The following MYO15A variants were observed in gnomAD, a reference collection of about 807,000 sequenced individuals.
MYO15A encodes unconventional myosin-XV.
MYO15A carries 308 observed loss-of-function variants against 394.6 expected under a neutral mutation model. The observed-to-expected ratio is 0.78, with a 90% CI of 0.71 to 0.86. The LOEUF (loss-of-function observed/expected upper bound fraction) is 0.86. Among genes scored for constraint, MYO15A ranks in the 40% least tolerant of loss-of-function variants. The pLI is 0.00. For missense variants in MYO15A, 4,606 were observed against 4,799.1 expected, an observed-to-expected ratio of 0.96 and a Z score of 1.19; for synonymous variants, 1,957 against 2,003.8, an observed-to-expected ratio of 0.98 and a Z score of 0.62.
At position 18,119,127 on chromosome 17, in the gene MYO15A, C is replaced by G; in HGVS notation, c.327C>G (p.Ile109Met). ...GCAAGAAGCCGTCCTTCATGGTGAT[C>G]CGCTTCCCAGGCCGCCGTGGCTACG... ...MKGKKPSFMV[I>M]RFPGRRGYGR... The change falls in exon 2 of 66, where the codon ATC becomes ATG. Residue 109 changes from isoleucine (I) to methionine (M), a missense_variant. This residue lies in a region of MYO15A where 1,830 missense variants were observed against 1,689.7 expected (regional missense o/e 1.08). Coordinates refer to ENST00000647165, the MANE Select transcript of MYO15A (RefSeq NM_016239.4). 1 of 1,612,034 alleles carries G rather than the reference C, an allele frequency of 6.2e-7. No homozygotes were observed. Among genetic ancestry groups the G allele is most frequent in the Non-Finnish European group, 8.5e-7 (1 of 1,179,678 alleles).
At chr17:18,114,241 CTTTTTTTTTTTTT>C (rs10583154) in intron 1 of MYO15A, among the ~76,000 whole-genome samples, 1 of 55,562 alleles carries the variant, frequency 1.8e-5, no homozygotes, top group African/African-American at 7.0e-5. Flanking sequence ...ACAGTCCTGT[CTTTTTTTTTTTTT>C]TTTTTTTTTT....
chr17:18,127,832 AAGATAT>A (rs1555541551), intron 7 of MYO15A, among the ~76,000 whole-genome samples: 1 of 40,564 alleles, frequency 2.5e-5, no homozygotes, highest in Non-Finnish European at 5.6e-5. Flanking sequence ...AAGAAAAAAA[AAGATAT>A]ATATATATAT....
chr17:18,127,691 C>T (rs115463904), intron 7 of MYO15A, among the ~76,000 whole-genome samples: 2,711 of 152,046 alleles, frequency 0.018, 42 homozygotes, highest in Middle Eastern at 0.038. Flanking sequence ...GAACTGCATC[C>T]GTTCCCTCAG....
intron 25 of MYO15A, 54 bp downstream of exon 25, chr17:18,142,894 C>T: frequency 6.6e-7 from 1 of 1,511,652 alleles, no homozygotes; most frequent in Non-Finnish European, 9.0e-7. Flanking sequence ...GGGGAAAGGG[C>T]ACTTAGCACC....
chr17:18,139,457 G>T, intron 18 of MYO15A, 77 bp from the exon 19 acceptor site: 1 of 1,441,824 alleles, frequency 6.9e-7, no homozygotes, highest in East Asian at 2.4e-5. Context: ...CCATAGAAGT[G>T]AGGAGGATCC....
chr17:18,178,621 C>A, intron 65 of MYO15A, 148 bp from the exon 66 acceptor site: 1 of 792,408 alleles, frequency 1.3e-6, no homozygotes, highest in Non-Finnish European at 2.2e-6. Flanking sequence ...ATGCTCCTCT[C>A]AGGCCCTGGG....
chr17:18,167,447 G>A lies in MYO15A; in HGVS notation c.9949-143G>A, dbSNP rs854796. On this transcript the variant is annotated intron_variant, in intron 61 of 65. Coordinates refer to ENST00000647165, the MANE Select transcript of MYO15A (RefSeq NM_016239.4). Reference sequence around the variant, plus strand: ...TTATGTGCTTCTGCCATCATTCCCCGAAACCCAGGAAAGTAATAGGCCATC... The same window carrying A: ...TTATGTGCTTCTGCCATCATTCCCCAAAACCCAGGAAAGTAATAGGCCATC... 0.69 allele frequency: 936,864 copies of A among 1,356,592 alleles called. 326,055 individuals carry two copies. The highest frequency in any genetic ancestry group is 0.86 in the African/African-American group (60,460 of 69,966). The allele number at this position is 1,356,592 out of a possible 1,614,324, so 84.0% of individuals were successfully genotyped here. A position where few individuals can be genotyped will look rare whatever the true frequency, so the allele number is the denominator to read the frequency against.
chr17:18,143,799 G>A lies in MYO15A; in HGVS notation c.6046+3G>A. 6.3e-7 allele frequency: 1 copy of A among 1,580,320 alleles called. No individual in the cohort carries two copies. The highest frequency in any genetic ancestry group is 8.6e-7 in the Non-Finnish European group (1 of 1,163,482). On this transcript the variant is annotated splice_donor_region_variant and intron_variant, in intron 27 of 65. Coordinates refer to ENST00000647165, the MANE Select transcript of MYO15A (RefSeq NM_016239.4). The stretch of plus-strand genomic sequence containing the variant: ...TGGGCTCTTGCAAGCAGTGGCAGGT[G>A]GGTCAGCACCAGGCGGGGGGAGGGC...
In MYO15A at chr17:18,135,776, G is replaced by A; in HGVS notation, c.4548G>A (p.Leu1516=). ...AREIQAVAEL[L]QISPEGLQKA... is the part of the protein sequence containing the mutation. ...AGATCCAGGCCGTGGCAGAGCTGCT[G>A]CAGATCTCCCCTGAGGGCCTGCAGA... The change falls in exon 13 of 66, where the codon CTG becomes CTA. Residue 1516 remains leucine, a synonymous_variant. Transcript: ENST00000647165. The A allele has an allele frequency of 1.9e-6, 3 of 1,614,154 alleles. No homozygotes were observed. The highest frequency in any genetic ancestry group is 2.5e-6 in the Non-Finnish European group (3 of 1,180,014).
In MYO15A at chr17:18,141,745, A is replaced by C. The variant is rs761997973; in HGVS notation, c.5624A>C (p.Asn1875Thr). ...AGTCGCCTGTGCAAAGTCATGCCAA[A>C]CATGTACCGTGTTGGGGTCAGCAAG... Reference protein sequence around the residue: ...VLSRLCKVMPNMYRVGVSKLF... With the variant: ...VLSRLCKVMPTMYRVGVSKLF... Residue 1875 changes from asparagine to threonine, a missense_variant, in exon 23 of 66, where the codon AAC (asparagine) becomes ACC (threonine). This residue lies in a region of MYO15A where 2,776 missense variants were observed against 3,109.3 expected (regional missense o/e 0.89). Coordinates refer to ENST00000647165, the MANE Select transcript of MYO15A (RefSeq NM_016239.4). 1.2e-6 allele frequency: 2 copies of C among 1,614,084 alleles called. No homozygotes were observed. Among genetic ancestry groups the C allele is most frequent in the South Asian group, 2.2e-5 (2 of 91,086 alleles).
chr17:18,148,558 C>A lies in MYO15A; in HGVS notation c.6754C>A (p.Leu2252Met). Residue 2252 changes from leucine to methionine, a missense_variant, in exon 32 of 66, where the codon CTG becomes ATG. Physicochemically the swap from Leu to Met is conservative, Grantham distance 15. Transcript: ENST00000647165. The surrounding 1 kb of genome is among the most constrained non-coding windows in gnomAD (Gnocchi z 4.8). ...STGEEVAGDI[L>M]RHRGLADGWR... ...GGGGGAAGAGGTGGCTGGAGACATT[C>A]TGAGGCACAGGTTGGCTCCTAGGAT... 6.4e-7 allele frequency: 1 copy of A among 1,552,102 alleles called. No individual in the cohort carries two copies. The highest frequency in any genetic ancestry group is 1.2e-5 in the South Asian group (1 of 84,086).
rs200694470 is a variant in MYO15A, at chr17:18,163,791, G to A, written c.9740G>A (p.Arg3247His). ...EEICAEMALT[R>H]PEAFNEYVIF... ...ATATGTGCTGAGATGGCTCTGACAC[G>A]CCCTGAGGCCTTCAATGAATATGTT... The change falls in exon 60 of 66, where the codon CGC (arginine) becomes CAC (histidine). Residue 3247 changes from arginine to histidine, a missense_variant. Arg to His is a conservative substitution (Grantham distance 29, BLOSUM62 0). Around this residue, in one of 2 missense-constraint regions of MYO15A, gnomAD observed 2,776 missense variants for 3,109.3 expected, o/e 0.89. Transcript: ENST00000647165. 2.5e-5 allele frequency: 41 copies of A among 1,614,058 alleles called. No homozygotes were observed. Among genetic ancestry groups the A allele is most frequent in the African/African-American group, 2.1e-4 (16 of 75,052 alleles).
chr17:18,141,264 TCACAAGGCTAC>T, intron 22 of MYO15A, 121 bp downstream of exon 22: 2 of 1,433,728 alleles, frequency 1.4e-6, no homozygotes, highest in Non-Finnish European at 1.9e-6. Flanking sequence ...GTTGTACACT[TCACAAGGCTAC>T]CACATGCTAA....
chr17:18,125,479 G>C, intron 4 of MYO15A: 2 of 514,374 alleles, frequency 3.9e-6, no homozygotes, highest in Non-Finnish European at 7.0e-6. Context: ...TGGATCACGA[G>C]GTCAAGAGAT....
At chr17:18,140,339 G>GCC in intron 19 of MYO15A, 178 bp from the exon 20 acceptor site, 3 of 848,002 alleles carry the variant, frequency 3.5e-6, no homozygotes. Flanking sequence ...AAGATGCTGA[G>GCC]CCCCACCTGT....
chr17:18,141,237 C>T (rs2046374018), intron 22 of MYO15A, 94 bp downstream of exon 22: 3 of 1,570,436 alleles, frequency 1.9e-6, no homozygotes, highest in Admixed American at 1.7e-5. Flanking sequence ...CAGGGCTTGC[C>T]ATGCACAGTT....
chr17:18,136,123 A>T lies in MYO15A; in HGVS notation c.4597-294A>T, dbSNP rs550974648. 2.0e-5 allele frequency among the ~76,000 whole-genome samples: 3 copies of T among 152,308 alleles called. No homozygotes were observed. The South Asian group carries it at 6.2e-4, about 32-fold the overall frequency. On this transcript the variant is annotated intron_variant, in intron 13 of 65. Transcript: ENST00000647165. ...GCCTTCCCTAATCTTTGGACGGGTC[A>T]GTGCCTCCTCTGGTCTTTCACAGTC...
chr17:18,132,358 A>C lies in MYO15A; in HGVS notation c.4207-95A>C, dbSNP rs1316223350. 1.6e-5 allele frequency: 15 copies of C among 927,864 alleles called. No homozygotes were observed. The highest frequency in any genetic ancestry group is 2.6e-5 in the Non-Finnish European group (15 of 570,544). The allele number at this position is 927,864 out of a possible 1,614,324, so 57.5% of individuals were successfully genotyped here. ...TTCTCATCTGCAGCCCACTGTGTGC[A>C]TGTGCACTTGTGGGCAGGCTTGGGC... On this transcript the variant is annotated intron_variant, in intron 10 of 65. Transcript: ENST00000647165. This position sits in a 1 kb window ranked among gnomAD's most constrained non-coding sequence, Gnocchi z 4.6.
intron 13 of MYO15A, 141 bp from the exon 14 acceptor site, chr17:18,136,276 G>A: frequency 9.7e-7 from 1 of 1,032,832 alleles, no homozygotes; most frequent in Non-Finnish European, 1.5e-6. Context: ...GGCAGGGGTG[G>A]TCCTGCCTAG....
Sources: allele counts gnomAD v4.1 joint callset (sites outside exome capture counted in the v4.1 genomes callset), GRCh38; gene constraint gnomAD v4.1.1; regional missense constraint gnomAD v4.1.1; non-coding constraint Gnocchi (gnomAD v3.1); transcripts MANE v1.5; gene names NCBI Gene and HGNC (gene_info 2026-07-23, HGNC 2026-07-21).